Variants in RCAN2 observed in about 807,000 individuals in gnomAD.
The protein encoded by RCAN2 is regulator of calcineurin 2.
RCAN2 carries 9 observed loss-of-function variants against 23.6 expected under a neutral mutation model. That is an observed-to-expected ratio of 0.38 (90% CI 0.23 to 0.67). The LOEUF is 0.67. Among genes scored for constraint, RCAN2 ranks in the 30% least tolerant of loss-of-function variants. RCAN2 has a pLI of 0.51. For synonymous variants in RCAN2, 109 were observed against 115.7 expected (o/e 0.94, Z 0.37); for missense variants, 273 against 302.3 (o/e 0.90, Z 0.72).
chr6:46,364,624 G>C (rs1765112908), intron 2 of RCAN2, among the ~76,000 whole-genome samples: 1 of 152,152 alleles, frequency 6.6e-6, no homozygotes, highest in Admixed American at 6.5e-5. Flanking sequence ...TCATCATTTA[G>C]TCTTTGCAAC....
chr6:46,376,003 TC>T (rs1356980706), intron 2 of RCAN2, among the ~76,000 whole-genome samples: 2 of 152,246 alleles, frequency 1.3e-5, no homozygotes, highest in African/African-American at 4.8e-5. Flanking sequence ...ATCTCTGAGT[TC>T]CTTTCCATTC....
chr6:46,338,300 C>T (rs972243685), intron 2 of RCAN2, among the ~76,000 whole-genome samples: 2 of 152,138 alleles, frequency 1.3e-5, no homozygotes, highest in Non-Finnish European at 2.9e-5. Context: ...TGGAACCCTC[C>T]CAATGCTGTC....
At chr6:46,435,729 C>G (rs945999492) in intron 2 of RCAN2, among the ~76,000 whole-genome samples, 2 of 152,158 alleles carry the variant, frequency 1.3e-5, no homozygotes, top group Admixed American at 6.5e-5. Flanking sequence ...ACTGATGCAA[C>G]GACAGAATGG....
chr6:46,439,149 T>G (rs1767456963), intron 2 of RCAN2, among the ~76,000 whole-genome samples: 2 of 152,220 alleles, frequency 1.3e-5, no homozygotes, highest in South Asian at 4.1e-4. Flanking sequence ...GCCCATTTCT[T>G]TGTTCCTAAG....
intron 2 of RCAN2, among the ~76,000 whole-genome samples, chr6:46,356,434 A>G (rs1195342028): frequency 6.6e-6 from 1 of 152,144 alleles, no homozygotes; most frequent in Non-Finnish European, 1.5e-5. Context: ...ATTGGTCTGG[A>G]GGGAAACCTG....
chr6:46,385,476 G>T (rs979952147), intron 2 of RCAN2, among the ~76,000 whole-genome samples: 7 of 152,100 alleles, frequency 4.6e-5, no homozygotes, highest in Non-Finnish European at 1.0e-4. Context: ...AAATGGTGCT[G>T]GGAAAACGGG....
intron 2 of RCAN2, among the ~76,000 whole-genome samples, chr6:46,261,494 T>C (rs1455674692): frequency 6.6e-6 from 1 of 152,216 alleles, no homozygotes; most frequent in African/African-American, 2.4e-5. Context: ...TAAGTGTGTG[T>C]GAGCTATTAC....
intron 2 of RCAN2, among the ~76,000 whole-genome samples, chr6:46,337,280 T>C (rs1442052824): frequency 6.6e-6 from 1 of 152,244 alleles, no homozygotes; most frequent in African/African-American, 2.4e-5. Flanking sequence ...AGTACTGTTA[T>C]AGTTCTGAGT....
intron 2 of RCAN2, among the ~76,000 whole-genome samples, chr6:46,409,203 G>A (rs74340951): frequency 0.011 from 1,704 of 152,036 alleles, 11 homozygotes; most frequent in Non-Finnish European, 0.017. Flanking sequence ...TTTAACCACC[G>A]AGTTCCATAG....
rs531465334 is a variant in RCAN2, at chr6:46,475,306, G to A, written c.-3+15867C>T. 3.3e-5 allele frequency among the ~76,000 whole-genome samples: 5 copies of A among 152,328 alleles called. No individual in the cohort carries two copies. The East Asian group carries it at 9.6e-4, about 29-fold the overall frequency. On this transcript the variant is annotated intron_variant, in intron 1 of 4. Transcript: ENST00000371374. ...TTGAGCAAGCTTCTGGCAGGTGAAA[G>A]TCATGCTCTCTAGGCTAATTTATTG...
chr6:46,481,632 A>AT (rs1768862852), intron 1 of RCAN2, among the ~76,000 whole-genome samples: 1 of 152,306 alleles, frequency 6.6e-6, no homozygotes, highest in Non-Finnish European at 1.5e-5. Flanking sequence ...TGATTTATTT[A>AT]TAAACAACTT....
intron 2 of RCAN2, among the ~76,000 whole-genome samples, chr6:46,338,540 T>C (rs905158262): frequency 6.6e-6 from 1 of 152,112 alleles, no homozygotes; most frequent in African/African-American, 2.4e-5. Context: ...TTCCCCAGTA[T>C]AGAAAGTGCA....
At chr6:46,397,798 G>C (rs1289444936) in intron 2 of RCAN2, among the ~76,000 whole-genome samples, 1 of 152,140 alleles carries the variant, frequency 6.6e-6, no homozygotes, top group Non-Finnish European at 1.5e-5. Context: ...CAGCTATGAA[G>C]TTATCACCAC....
intron 4 of RCAN2, among the ~76,000 whole-genome samples, chr6:46,239,942 C>T (rs1243540183): frequency 2.0e-5 from 3 of 151,958 alleles, no homozygotes; most frequent in Admixed American, 2.0e-4. Flanking sequence ...AAGCAGAATC[C>T]CGGAGGGAAG....
Position 46,423,392 on chromosome 6 carries a change from A to G in RCAN2, c.225+33360T>C, listed in dbSNP as rs1248118234. Among the ~76,000 whole-genome samples the G allele has an allele frequency of 3.3e-5, 5 of 152,192 alleles. No individual in the cohort carries two copies. In the East Asian group the frequency reaches 7.7e-4, roughly 23 times the overall value. ...ACTTTTCAATATTGTAGAGGATAGA[A>G]CAAAGAAAAAAGCAAGAGAGAACAG... On this transcript the variant is annotated intron_variant, in intron 2 of 4. Transcript: ENST00000371374.
intron 4 of RCAN2, among the ~76,000 whole-genome samples, chr6:46,234,507 A>C (rs1204920087): frequency 6.6e-6 from 1 of 152,202 alleles, no homozygotes; most frequent in East Asian, 1.9e-4. Context: ...AGGTCCCACC[A>C]TGGTGCAGTG....
At chr6:46,407,986 C>G (rs1766448634) in intron 2 of RCAN2, among the ~76,000 whole-genome samples, 1 of 152,148 alleles carries the variant, frequency 6.6e-6, no homozygotes, top group African/African-American at 2.4e-5. Flanking sequence ...TGGAAAACAG[C>G]AGCTTTGATT....
chr6:46,250,727 A>G (rs1280606731), intron 2 of RCAN2, among the ~76,000 whole-genome samples: 1 of 152,208 alleles, frequency 6.6e-6, no homozygotes, highest in African/African-American at 2.4e-5. Context: ...GGAGATGCTT[A>G]TTTTAATAAG....
intron 2 of RCAN2, among the ~76,000 whole-genome samples, chr6:46,298,260 C>T (rs575087261): frequency 1.7e-4 from 26 of 152,196 alleles, no homozygotes; most frequent in African/African-American, 6.3e-4. Flanking sequence ...CTTTCCAACT[C>T]AGCCAAAAGT....
Sources: allele counts gnomAD v4.1 joint callset (sites outside exome capture counted in the v4.1 genomes callset), GRCh38; gene constraint gnomAD v4.1.1; transcripts MANE v1.5; gene names NCBI Gene and HGNC (gene_info 2026-07-23, HGNC 2026-07-21).